Variants in NWD2 observed in about 807,000 individuals in gnomAD.
The protein encoded by NWD2 is NACHT and WD repeat domain containing 2.
A neutral mutation model predicts 132.7 loss-of-function variants in NWD2; 37 were observed. The observed-to-expected ratio is 0.28, with a 90% confidence interval of 0.21 to 0.37. The LOEUF (loss-of-function observed/expected upper bound fraction) is 0.37. Among genes scored for constraint, NWD2 ranks in the 10% least tolerant of loss-of-function variants. NWD2 has a pLI of 1.00. For synonymous variants in NWD2, 705 were observed against 803.0 expected, an observed-to-expected ratio of 0.88 and a Z score of 2.06; for missense variants, 1,592 against 2,122.4, an observed-to-expected ratio of 0.75 and a Z score of 4.91.
At chr4:37,407,000 C>T (rs994186495) in intron 3 of NWD2, among the ~76,000 whole-genome samples, 1 of 152,042 alleles carries the variant, frequency 6.6e-6, no homozygotes, top group Non-Finnish European at 1.5e-5. Context: ...AACCAAACAC[C>T]GCATGTTCTC....
chr4:37,322,132 C>T (rs1277325733), intron 1 of NWD2, among the ~76,000 whole-genome samples: 1 of 152,140 alleles, frequency 6.6e-6, no homozygotes, highest in Non-Finnish European at 1.5e-5. Context: ...GCATGTGTGG[C>T]TTTTTTCATT....
chr4:37,246,210 A>G lies in NWD2; in HGVS notation c.151+992A>G, dbSNP rs527538573. On this transcript the variant is annotated intron_variant, in intron 1 of 6. Coordinates refer to ENST00000309447, the MANE Select transcript of NWD2 (RefSeq NM_001144990.2). ...AGCCTTGAGTCGAAAAGAGTCGAGG[A>G]GAAAAGTCCACATTCAAACGATCAT... is the stretch of plus-strand genomic sequence containing the variant. Among the ~76,000 whole-genome samples, 6 of 152,364 alleles carry G rather than the reference A, an allele frequency of 3.9e-5. No homozygotes were observed. The South Asian group carries it at 1.2e-3, about 32-fold the overall frequency.
At chr4:37,334,384 C>T (rs1245593691) in intron 2 of NWD2, among the ~76,000 whole-genome samples, 1 of 152,230 alleles carries the variant, frequency 6.6e-6, no homozygotes, top group East Asian at 1.9e-4. Flanking sequence ...AGTCCATCCT[C>T]AGCCTGTGCT....
chr4:37,337,723 T>A (rs1719439053), intron 2 of NWD2, among the ~76,000 whole-genome samples: 1 of 152,350 alleles, frequency 6.6e-6, no homozygotes, highest in African/African-American at 2.4e-5. Context: ...TTAAGCTGCC[T>A]TCTGTACATG....
At chr4:37,378,725 C>G (rs908485298) in intron 3 of NWD2, among the ~76,000 whole-genome samples, 1 of 152,122 alleles carries the variant, frequency 6.6e-6, no homozygotes, top group Admixed American at 6.5e-5. Context: ...ATGTGTCCTT[C>G]TAAATGTAAT....
At chr4:37,250,389 C>T (rs575620668) in intron 1 of NWD2, among the ~76,000 whole-genome samples, 1 of 152,218 alleles carries the variant, frequency 6.6e-6, no homozygotes, top group Admixed American at 6.5e-5. Context: ...ACTTGGGAGC[C>T]AGGTTTCCTG....
At chr4:37,373,058 C>A (rs1720263539) in intron 3 of NWD2, among the ~76,000 whole-genome samples, 1 of 152,194 alleles carries the variant, frequency 6.6e-6, no homozygotes, top group Non-Finnish European at 1.5e-5. Context: ...ATAAGATTCA[C>A]AAACTGTGGA....
chr4:37,282,997 A>G (rs1359384108), intron 1 of NWD2, among the ~76,000 whole-genome samples: 1 of 152,168 alleles, frequency 6.6e-6, no homozygotes, highest in Non-Finnish European at 1.5e-5. Context: ...AAACTTTAGT[A>G]TGTCCTCAAG....
intron 3 of NWD2, among the ~76,000 whole-genome samples, chr4:37,384,096 C>T (rs1397685571): frequency 1.3e-5 from 2 of 152,178 alleles, no homozygotes; most frequent in Non-Finnish European, 2.9e-5. Flanking sequence ...AGCTGTTTAT[C>T]CTGATGCTCT....
chr4:37,303,908 C>G (rs1351131959), intron 1 of NWD2, among the ~76,000 whole-genome samples: 1 of 152,150 alleles, frequency 6.6e-6, no homozygotes, highest in African/African-American at 2.4e-5. Context: ...TTCTTACTTT[C>G]CAATGTGCAT....
intron 1 of NWD2, among the ~76,000 whole-genome samples, chr4:37,324,840 TA>T (rs1719138285): frequency 6.6e-6 from 1 of 152,104 alleles, no homozygotes; most frequent in Non-Finnish European, 1.5e-5. Flanking sequence ...TTGAGAACAG[TA>T]GGAAAATAGA....
chr4:37,270,870 A>T (rs1188633191), intron 1 of NWD2, among the ~76,000 whole-genome samples: 2 of 151,848 alleles, frequency 1.3e-5, no homozygotes, highest in Non-Finnish European at 2.9e-5. Context: ...TCTTCTAGAA[A>T]CTATATAACT....
At chr4:37,283,235 T>A (rs969684713) in intron 1 of NWD2, among the ~76,000 whole-genome samples, 1 of 152,192 alleles carries the variant, frequency 6.6e-6, no homozygotes, top group African/African-American at 2.4e-5. Flanking sequence ...TACAAAGCAA[T>A]CTGTTTTATC....
At chr4:37,288,073 C>T (rs1210807775) in intron 1 of NWD2, among the ~76,000 whole-genome samples, 1 of 152,082 alleles carries the variant, frequency 6.6e-6, no homozygotes, top group East Asian at 1.9e-4. Flanking sequence ...GAAAATGAAA[C>T]ACCACATGTT....
At chr4:37,272,553 G>A (rs1717893425) in intron 1 of NWD2, among the ~76,000 whole-genome samples, 1 of 151,642 alleles carries the variant, frequency 6.6e-6, no homozygotes, top group Non-Finnish European at 1.5e-5. Flanking sequence ...TGTTGATATT[G>A]TTAGCATAAA....
In NWD2 at chr4:37,445,563, T is replaced by C; in HGVS notation, c.3575T>C (p.Val1192Ala). Reference protein sequence around the residue: ...DFDCRREDSEVVSIELSEDQS... With the variant: ...DFDCRREDSEAVSIELSEDQS... ...GATTGCCGAAGAGAAGACAGTGAGG[T>C]GGTCAGCATTGAGCTTTCAGAAGAC... Residue 1192 changes from valine to alanine, a missense_variant, in exon 7 of 7, where the codon GTG becomes GCG. By Grantham distance (64) the Val-to-Ala change is moderately conservative. This residue lies in a region of NWD2 where 1,071 missense variants were observed against 1,398.0 expected (regional missense o/e 0.77). Coordinates refer to ENST00000309447, the MANE Select transcript of NWD2 (RefSeq NM_001144990.2). This position sits in a 1 kb window ranked among gnomAD's most constrained non-coding sequence, Gnocchi z 4.7. The C allele has an allele frequency of 6.4e-7, 1 of 1,552,102 alleles. No individual in the cohort carries two copies. The highest frequency in any genetic ancestry group is 8.7e-7 in the Non-Finnish European group (1 of 1,147,106).
At chr4:37,363,839 G>A (rs922363207) in intron 3 of NWD2, among the ~76,000 whole-genome samples, 2 of 152,106 alleles carry the variant, frequency 1.3e-5, no homozygotes, top group African/African-American at 4.8e-5. Flanking sequence ...TAAAAAAGCA[G>A]ACGGCCGGGC....
chr4:37,330,480 G>T (rs1294765270), intron 2 of NWD2, among the ~76,000 whole-genome samples: 1 of 152,124 alleles, frequency 6.6e-6, no homozygotes, highest in African/African-American at 2.4e-5. Context: ...GTGCAAAACA[G>T]ATAAAATAAA....
At position 37,446,992 on chromosome 4, in the gene NWD2, T is replaced by C. The variant is rs1157573979; in HGVS notation, c.5004T>C (p.Asn1668=). The C allele has an allele frequency of 5.8e-6, 9 of 1,551,558 alleles. No individual in the cohort carries two copies. Among genetic ancestry groups the C allele is most frequent in the African/African-American group, 2.7e-5 (2 of 73,026 alleles). ...CAAATAGCAGACAAATTTTCAACAA[T>C]GCAACACACACCTCCAGGCCAAAGT... The part of the protein sequence containing the change: ...ATSNSRQIFN[N]ATHTSRPKCN... The change falls in exon 7 of 7, where the codon AAT becomes AAC. Residue 1668 remains asparagine, a synonymous_variant. Coordinates refer to ENST00000309447, the MANE Select transcript of NWD2 (RefSeq NM_001144990.2). This position sits in a 1 kb window ranked among gnomAD's most constrained non-coding sequence, Gnocchi z 6.7.
Sources: gnomAD v4.1 joint callset for allele counts (sites outside exome capture counted in the v4.1 genomes callset) on GRCh38, gnomAD v4.1.1 for gene constraint, gnomAD v4.1.1 regional missense constraint, Gnocchi (gnomAD v3.1) non-coding constraint, MANE v1.5 for transcripts, NCBI Gene and HGNC (gene_info 2026-07-23, HGNC 2026-07-21) for gene names.